The following CCNT1 variants were observed in gnomAD, a reference collection of about 807,000 sequenced individuals.
CCNT1 encodes cyclin-T1.
CCNT1 carries 18 observed loss-of-function variants against 67.3 expected under a neutral mutation model. The observed-to-expected ratio is 0.27, with a 90% confidence interval of 0.18 to 0.40. The LOEUF is 0.40. Ranked by LOEUF, CCNT1 falls within the 10% of genes least tolerant of loss-of-function variation. CCNT1 has a pLI of 1.00. For synonymous variants in CCNT1, 333 were observed against 310.3 expected, an observed-to-expected ratio of 1.07 and a Z score of -0.77; for missense variants, 744 against 884.9, an observed-to-expected ratio of 0.84 and a Z score of 2.02.
chr12:48,697,522 T>TA (rs1205232506), intron 6 of CCNT1, among the ~76,000 whole-genome samples: 22,415 of 116,376 alleles, frequency 0.19, 2,989 homozygotes, highest in Non-Finnish European at 0.28. Flanking sequence ...GACTCTGTCT[T>TA]AAAAAAAAAA....
chr12:48,701,121 A>G, intron 3 of CCNT1, 48 bp from the exon 4 acceptor site: 3 of 1,131,232 alleles, frequency 2.7e-6, no homozygotes, highest in South Asian at 2.9e-5. Context: ...CACAATATAT[A>G]AAGTATAAAC....
At chr12:48,697,077 A>G (rs545607020) in intron 6 of CCNT1, among the ~76,000 whole-genome samples, 1 of 152,176 alleles carries the variant, frequency 6.6e-6, no homozygotes, top group South Asian at 2.1e-4. Context: ...CAAGTGATCC[A>G]CCAGCCTCAG....
chr12:48,705,658 A>C (rs1291543738), intron 3 of CCNT1, 110 bp downstream of exon 3: 1 of 840,218 alleles, frequency 1.2e-6, no homozygotes, highest in Non-Finnish European at 1.9e-6. Flanking sequence ...AATCGAAGTT[A>C]TAAAATTAAG....
chr12:48,700,579 A>G (rs556689879), intron 4 of CCNT1, among the ~76,000 whole-genome samples: 1 of 152,180 alleles, frequency 6.6e-6, no homozygotes. Flanking sequence ...TAATAACACA[A>G]TATCATCAGA....
At chr12:48,704,904 T>G (rs999107006) in intron 3 of CCNT1, among the ~76,000 whole-genome samples, 8 of 152,096 alleles carry the variant, frequency 5.3e-5, no homozygotes, top group Non-Finnish European at 8.8e-5. Flanking sequence ...ATAATAGAAA[T>G]AAAGTGAACA....
In CCNT1 at chr12:48,690,583, A is replaced by G. The variant is rs1479580533; in HGVS notation, c.*2450T>C. 1 of 152,258 alleles carries G rather than the reference A, an allele frequency of 6.6e-6. No individual in the cohort carries two copies. Among genetic ancestry groups the G allele is most frequent in the Non-Finnish European group, 1.5e-5 (1 of 68,052 alleles). 9.4% of individuals were successfully genotyped at this position (152,258 alleles called of 1,614,324 possible). The stretch of plus-strand genomic sequence containing the variant: ...ACTGTACGTATCTTAAGACAGTACC[A>G]GGAGGCATTAACACAGAAAGGTCTC... On this transcript the variant is annotated 3_prime_UTR_variant, in exon 9 of 9. Transcript: ENST00000261900.
At chr12:48,703,928 A>G (rs1940313632) in intron 3 of CCNT1, among the ~76,000 whole-genome samples, 1 of 147,408 alleles carries the variant, frequency 6.8e-6, no homozygotes, top group African/African-American at 2.5e-5. Context: ...CCTGTCTCCA[A>G]AAAAAAAAAA....
chr12:48,700,546 G>T (rs753399544), intron 4 of CCNT1, among the ~76,000 whole-genome samples: 97 of 152,150 alleles, frequency 6.4e-4, no homozygotes, highest in Admixed American at 1.2e-3. Context: ...TCTAAAGGCA[G>T]CCTGTGTGAT....
chr12:48,697,035 T>C (rs1308166113), intron 6 of CCNT1, among the ~76,000 whole-genome samples: 4 of 152,202 alleles, frequency 2.6e-5, no homozygotes, highest in East Asian at 1.9e-4. Flanking sequence ...GGTTTCACCA[T>C]GTTGGCCAGG....
At position 48,691,750 on chromosome 12, in the gene CCNT1, T is replaced by C. The variant is rs1019761379; in HGVS notation, c.*1283A>G. 6.6e-6 allele frequency: 1 copy of C among 152,208 alleles called. No homozygotes were observed. The highest frequency in any genetic ancestry group is 2.4e-5 in the African/African-American group (1 of 41,456). 9.4% of individuals were successfully genotyped at this position (152,208 alleles called of 1,614,324 possible). A position where few individuals can be genotyped will look rare whatever the true frequency, so the allele number is the denominator to read the frequency against. On this transcript the variant is annotated 3_prime_UTR_variant, in exon 9 of 9. Coordinates refer to ENST00000261900, the MANE Select transcript of CCNT1 (RefSeq NM_001240.4). ...TCTCATGGCACCAGTACTGTTAAAT[T>C]CACAAGCTCCAATCTCAAGTCATAT...
intron 3 of CCNT1, 179 bp downstream of exon 3, chr12:48,705,589 G>C (rs1284443069): frequency 1.6e-6 from 1 of 606,936 alleles, no homozygotes; most frequent in Non-Finnish European, 2.8e-6. Flanking sequence ...TTTTCTTACT[G>C]TTAAGAAAAA....
rs1940092532 is a variant in CCNT1 at position 48,692,558 on chromosome 12, C to T, written c.*475G>A. On this transcript the variant is annotated 3_prime_UTR_variant, in exon 9 of 9. Transcript: ENST00000261900. ...CACAGCAAAATCCCTATCCCCTTCC[C>T]AATTATATAAAAAAACTAAACAGAT... The T allele has an allele frequency of 6.4e-6, 1 of 155,896 alleles. No homozygotes were observed. Among genetic ancestry groups the T allele is most frequent in the Admixed American group, 6.2e-5 (1 of 16,148 alleles). The allele number at this position is 155,896 out of a possible 1,614,324, so 9.7% of individuals were successfully genotyped here.
At chr12:48,707,288 CTTTT>C (rs779298084) in intron 2 of CCNT1, among the ~76,000 whole-genome samples, 2 of 133,258 alleles carry the variant, frequency 1.5e-5, no homozygotes, top group African/African-American at 5.9e-5. Context: ...TTTTTTCTTT[CTTTT>C]TTTTTTTTTT....
intron 2 of CCNT1, among the ~76,000 whole-genome samples, chr12:48,707,455 T>C: frequency 6.6e-6 from 1 of 151,868 alleles, no homozygotes. Context: ...GTTAATTTAT[T>C]TTTATTTTTA....
chr12:48,711,924 C>T (rs1226064497), intron 2 of CCNT1, among the ~76,000 whole-genome samples: 2 of 152,034 alleles, frequency 1.3e-5, no homozygotes, highest in African/African-American at 4.8e-5. Context: ...TCCCGAGTAG[C>T]TGGGACTACA....
At chr12:48,705,326 G>A (rs1002334271) in intron 3 of CCNT1, among the ~76,000 whole-genome samples, 1 of 151,850 alleles carries the variant, frequency 6.6e-6, no homozygotes, top group Non-Finnish European at 1.5e-5. Flanking sequence ...GTAGAAATGG[G>A]GTCTCACTTT....
At chr12:48,708,079 A>C (rs1002894916) in intron 2 of CCNT1, among the ~76,000 whole-genome samples, 5 of 151,886 alleles carry the variant, frequency 3.3e-5, no homozygotes, top group South Asian at 4.2e-4. Flanking sequence ...AAATAAAATA[A>C]AAGTTAACTT....
At chr12:48,702,800 G>C (rs1460757753) in intron 3 of CCNT1, among the ~76,000 whole-genome samples, 4 of 151,932 alleles carry the variant, frequency 2.6e-5, no homozygotes, top group Non-Finnish European at 5.9e-5. Context: ...CTGGGTGACA[G>C]AGCGAGACTC....
At chr12:48,714,827 C>G (rs1940509535) in intron 1 of CCNT1, among the ~76,000 whole-genome samples, 3 of 152,134 alleles carry the variant, frequency 2.0e-5, no homozygotes, top group Admixed American at 2.0e-4. Flanking sequence ...ATAAGGCGGC[C>G]AGGCGCGGTG....
Sources: allele counts gnomAD v4.1 joint callset (sites outside exome capture counted in the v4.1 genomes callset), GRCh38; gene constraint gnomAD v4.1.1; transcripts MANE v1.5; gene names NCBI Gene and HGNC (gene_info 2026-07-23, HGNC 2026-07-21).